Variants in GALNT13 observed in about 807,000 individuals in gnomAD.
GALNT13 encodes UDP-GalNAc:polypeptide N-acetylgalactosaminyltransferase 13.
Under a neutral mutation model 64.2 loss-of-function variants are expected in GALNT13, and 28 were observed. The observed-to-expected ratio is 0.44, with a 90% CI of 0.32 to 0.60. The LOEUF (loss-of-function observed/expected upper bound fraction) is 0.60, where lower values mean the gene tolerates loss of function less well. GALNT13 is among the 20% of genes least tolerant of loss of function. GALNT13 has a pLI of 0.05. For missense variants in GALNT13, 577 were observed against 669.8 expected (o/e 0.86, Z 1.53); for synonymous variants, 214 against 224.6 (o/e 0.95, Z 0.42).
chr2:153,688,785 C>A, the GALNT13 span, among the ~76,000 whole-genome samples: 3 of 151,878 alleles, frequency 2.0e-5, no homozygotes, highest in African/African-American at 4.8e-5. Flanking sequence ...GGTTTGTTTA[C>A]CTTTTACTGA....
At chr2:154,219,033 G>A (rs1182344905) in intron 4 of GALNT13, among the ~76,000 whole-genome samples, 1 of 151,776 alleles carries the variant, frequency 6.6e-6, no homozygotes, top group Admixed American at 6.6e-5. Flanking sequence ...TGAAAATCTG[G>A]AGTAATCTCA....
the GALNT13 span, among the ~76,000 whole-genome samples, chr2:153,724,894 G>A: frequency 6.6e-6 from 1 of 151,350 alleles, no homozygotes; most frequent in South Asian, 2.1e-4. Flanking sequence ...GGAAGTCAGT[G>A]TGGCCATTCC....
At chr2:153,414,147 G>T in the GALNT13 span, among the ~76,000 whole-genome samples, 2 of 152,016 alleles carry the variant, frequency 1.3e-5, no homozygotes, top group African/African-American at 2.4e-5. Context: ...AGTCTGAGGC[G>T]GGCAGATCAC....
At chr2:153,666,308 C>A in the GALNT13 span, among the ~76,000 whole-genome samples, 2 of 152,166 alleles carry the variant, frequency 1.3e-5, no homozygotes, top group South Asian at 2.1e-4. Flanking sequence ...CACACAATTA[C>A]AGACCCTGAT....
chr2:153,692,677 A>G, the GALNT13 span, among the ~76,000 whole-genome samples: 1 of 152,234 alleles, frequency 6.6e-6, no homozygotes, highest in South Asian at 2.1e-4. Flanking sequence ...GCAGTGCAGT[A>G]GCATACTTTC....
chr2:153,400,985 T>C, the GALNT13 span, among the ~76,000 whole-genome samples: 15 of 151,430 alleles, frequency 9.9e-5, no homozygotes, highest in Admixed American at 3.3e-4. Flanking sequence ...ATGTGTTTGC[T>C]CTTGGTTTTC....
intron 3 of GALNT13, among the ~76,000 whole-genome samples, chr2:154,077,081 C>T (rs1002887561): frequency 6.6e-6 from 1 of 151,596 alleles, no homozygotes. Context: ...AATAACAAAA[C>T]ACACTAGGAA....
chr2:153,551,669 T>C, the GALNT13 span, among the ~76,000 whole-genome samples: 4 of 152,132 alleles, frequency 2.6e-5, no homozygotes, highest in African/African-American at 9.7e-5. Flanking sequence ...GCTGAGCAAC[T>C]AAAAATGTTA....
At chr2:153,409,792 AAAGTAT>A in the GALNT13 span, among the ~76,000 whole-genome samples, 1 of 152,174 alleles carries the variant, frequency 6.6e-6, no homozygotes, top group African/African-American at 2.4e-5. Flanking sequence ...CAAAAATGCT[AAAGTAT>A]AATTAAGAAT....
intron 4 of GALNT13, among the ~76,000 whole-genome samples, chr2:154,190,493 G>C (rs1044527099): frequency 6.6e-6 from 1 of 152,220 alleles, no homozygotes; most frequent in Non-Finnish European, 1.5e-5. Context: ...TACTTGAAAA[G>C]TGTATTTATT....
At chr2:153,508,364 A>C in the GALNT13 span, among the ~76,000 whole-genome samples, 1 of 152,126 alleles carries the variant, frequency 6.6e-6, no homozygotes, top group Non-Finnish European at 1.5e-5. Context: ...AGCTCAGACT[A>C]TCCTTGGATG....
the GALNT13 span, among the ~76,000 whole-genome samples, chr2:153,275,400 G>C: frequency 6.6e-6 from 1 of 152,118 alleles, no homozygotes; most frequent in African/African-American, 2.4e-5. Context: ...ACTTCCTTGT[G>C]AATGGGATTA....
At chr2:154,241,847 T>G (rs1220556927) in intron 4 of GALNT13, among the ~76,000 whole-genome samples, 183 bp from the exon 5 acceptor site, 1 of 152,184 alleles carries the variant, frequency 6.6e-6, no homozygotes, top group East Asian at 1.9e-4. Flanking sequence ...CATATTTAAT[T>G]TTCAGAATGC....
the GALNT13 span, among the ~76,000 whole-genome samples, chr2:153,401,730 C>A: frequency 2.7e-5 from 4 of 147,034 alleles, no homozygotes; most frequent in Non-Finnish European, 4.5e-5. Flanking sequence ...TCTGTTTTAT[C>A]AGAGACTAGG....
At chr2:154,150,688 T>A (rs1016611469) in intron 4 of GALNT13, among the ~76,000 whole-genome samples, 1 of 152,244 alleles carries the variant, frequency 6.6e-6, no homozygotes, top group African/African-American at 2.4e-5. Context: ...ATTTATCCAT[T>A]TCTTCTAGAT....
chr2:153,837,049 T>C, the GALNT13 span, among the ~76,000 whole-genome samples: 1 of 150,176 alleles, frequency 6.7e-6, no homozygotes, highest in East Asian at 1.9e-4. Flanking sequence ...GGTCAAATGG[T>C]ATTTCTAGTT....
chr2:153,637,779 T>C, the GALNT13 span, among the ~76,000 whole-genome samples: 1 of 152,200 alleles, frequency 6.6e-6, no homozygotes, highest in Admixed American at 6.6e-5. Context: ...TAACCATATG[T>C]AATTAGGTGC....
At chr2:154,192,682 T>G (rs991262662) in intron 4 of GALNT13, among the ~76,000 whole-genome samples, 4 of 152,208 alleles carry the variant, frequency 2.6e-5, no homozygotes, top group African/African-American at 9.6e-5. Context: ...ATTTGTTTGT[T>G]TTAGTCACAT....
intron 4 of GALNT13, among the ~76,000 whole-genome samples, chr2:154,173,658 G>A (rs958210891): frequency 6.6e-6 from 1 of 151,812 alleles, no homozygotes; most frequent in African/African-American, 2.4e-5. Context: ...CATCTGACAA[G>A]GAATTAATAA....
Sources: gnomAD v4.1 joint callset for allele counts (sites outside exome capture counted in the v4.1 genomes callset) on GRCh38, gnomAD v4.1.1 for gene constraint, MANE v1.5 for transcripts, NCBI Gene and HGNC (gene_info 2026-07-23, HGNC 2026-07-21) for gene names.